RBM19: variants seen among roughly 807,000 people sequenced by gnomAD.
RBM19 encodes probable RNA-binding protein 19.
In RBM19, 94 loss-of-function variants were observed where a neutral mutation model predicts 116.8. That is an observed-to-expected ratio of 0.80 (90% CI 0.68 to 0.95). The LOEUF is 0.95. Among genes scored for constraint, RBM19 ranks in the 40% least tolerant of loss-of-function variants. The pLI is 0.00. For synonymous variants in RBM19, 475 were observed against 494.1 expected (o/e 0.96, Z 0.51); for missense variants, 1,161 against 1,220.7 (o/e 0.95, Z 0.73).
chr12:113,831,406 A>G (rs1875397803), intron 23 of RBM19, among the ~76,000 whole-genome samples: 1 of 152,020 alleles, frequency 6.6e-6, no homozygotes, highest in Admixed American at 6.5e-5. Flanking sequence ...GCCACCCCCT[A>G]CCACCAGCTA....
chr12:113,938,229 A>G (rs768023405), intron 15 of RBM19, among the ~76,000 whole-genome samples: 3 of 152,144 alleles, frequency 2.0e-5, no homozygotes, highest in Non-Finnish European at 2.9e-5. Flanking sequence ...GTCACATTCC[A>G]AAGGATGCTC....
In RBM19 at chr12:113,825,359, C is replaced by T. The variant is rs543505659; in HGVS notation, c.2786-2038G>A. On this transcript the variant is annotated intron_variant, in intron 23 of 23. Transcript: ENST00000261741. The surrounding 1 kb of genome is among the most constrained non-coding windows in gnomAD (Gnocchi z 5.7). ...GGTGGGCTGGGGTGGTGGGGGCTGGCGGCCCGGGGCTCGGACTCCGGCTTC... is the reference window on the plus strand; with the variant it reads ...GGTGGGCTGGGGTGGTGGGGGCTGGTGGCCCGGGGCTCGGACTCCGGCTTC... Among the ~76,000 whole-genome samples, 3 of 152,200 alleles carry T rather than the reference C, an allele frequency of 2.0e-5. No homozygotes were observed. The highest frequency in any genetic ancestry group is 3.9e-4 in the East Asian group (2 of 5,166).
At chr12:113,853,929 T>A (rs944472063) in intron 22 of RBM19, among the ~76,000 whole-genome samples, 4 of 152,062 alleles carry the variant, frequency 2.6e-5, no homozygotes, top group Non-Finnish European at 4.4e-5. Flanking sequence ...GTCCCTCTAA[T>A]TGGAGAGTCC....
Position 113,822,991 on chromosome 12 carries a change from G to C in RBM19, c.*233C>G. Reference sequence around the variant, plus strand: ...TCCGTGTCTGCTACAGAGCAGGTGCGCAGTCAGTGTCTGCTAGAACGCGTC... The same window carrying C: ...TCCGTGTCTGCTACAGAGCAGGTGCCCAGTCAGTGTCTGCTAGAACGCGTC... On this transcript the variant is annotated 3_prime_UTR_variant, in exon 24 of 24. Transcript: ENST00000261741. The C allele has an allele frequency of 1.9e-6, 1 of 533,706 alleles. No homozygotes were observed. The allele number at this position is 533,706 out of a possible 1,614,324, so 33.1% of individuals were successfully genotyped here.
At chr12:113,929,023 A>G (rs1039593667) in intron 16 of RBM19, among the ~76,000 whole-genome samples, 2 of 152,048 alleles carry the variant, frequency 1.3e-5, no homozygotes, top group African/African-American at 4.8e-5. Flanking sequence ...GACCTCCCCT[A>G]AGAGTTAAAC....
chr12:113,862,309 G>A (rs1170626240), intron 21 of RBM19, among the ~76,000 whole-genome samples: 1 of 152,192 alleles, frequency 6.6e-6, no homozygotes, highest in African/African-American at 2.4e-5. Flanking sequence ...TCAAAATCGA[G>A]GCGAGATCTT....
intron 21 of RBM19, among the ~76,000 whole-genome samples, chr12:113,884,012 C>T (rs963281538): frequency 1.3e-5 from 2 of 151,736 alleles, no homozygotes; most frequent in African/African-American, 2.4e-5. Context: ...CAGTGGCTTA[C>T]GCCTGTAATC....
chr12:113,910,693 T>C (rs560646410), intron 21 of RBM19, among the ~76,000 whole-genome samples: 2 of 152,352 alleles, frequency 1.3e-5, no homozygotes, highest in Admixed American at 6.5e-5. Context: ...GTTGGGCTGC[T>C]GTGTGGACGA....
At chr12:113,922,217 C>T (rs1450129117) in intron 18 of RBM19, among the ~76,000 whole-genome samples, 1 of 152,176 alleles carries the variant, frequency 6.6e-6, no homozygotes. Context: ...ACTTCCTGGA[C>T]ATCCCTGTGG....
At chr12:113,907,780 G>T (rs1360498512) in intron 21 of RBM19, among the ~76,000 whole-genome samples, 1 of 152,298 alleles carries the variant, frequency 6.6e-6, no homozygotes, top group South Asian at 2.1e-4. Flanking sequence ...GAGTCCAGGG[G>T]TTGGCAAACT....
rs1303737434 is a variant in RBM19 at position 113,937,010 on chromosome 12, T to C, written c.2065A>G (p.Thr689Ala). The C allele has an allele frequency of 5.0e-6, 8 of 1,613,806 alleles. 1 individual carries two copies. In the South Asian group the frequency reaches 5.5e-5, roughly 11 times the overall value. Residue 689 changes from threonine (T) to alanine (A), a missense_variant, in exon 16 of 24, where the codon ACA becomes GCA. Physicochemically the swap from Thr to Ala is moderately conservative, Grantham distance 58. Transcript: ENST00000261741. Reference protein sequence around the residue: ...PMEKDPAEPETVPDGETPEDE... With the variant: ...PMEKDPAEPEAVPDGETPEDE... ...TGGTCTCAGACTCAGCTCTTACCTG[T>C]TTCTGGCTCTGCTGGGTCCTTTTCC...
chr12:113,924,873 C>G, intron 17 of RBM19, 116 bp from the exon 18 acceptor site: 1 of 836,204 alleles, frequency 1.2e-6, no homozygotes, highest in African/African-American at 1.7e-5. Context: ...GTCCCAAAAA[C>G]ATTTTGAGGT....
At position 113,926,820 on chromosome 12, in the gene RBM19, G is replaced by A. The variant is rs373725141; in HGVS notation, c.2244+234C>T. On this transcript the variant is annotated intron_variant, in intron 17 of 23. Transcript: ENST00000261741. ...AAAGATTCCGGTATGCCTCCAAAGC[G>A]TATGTGGTAGCCCCTATCAGGGCCC... Among the ~76,000 whole-genome samples, 152 of 152,324 alleles carry A rather than the reference G, an allele frequency of 1.0e-3. 1 individual carries two copies. Among genetic ancestry groups the A allele is most frequent in the African/African-American group, 3.5e-3 (144 of 41,578 alleles).
At chr12:113,827,889 G>T (rs1031819672) in intron 23 of RBM19, among the ~76,000 whole-genome samples, 13 of 151,822 alleles carry the variant, frequency 8.6e-5, no homozygotes, top group African/African-American at 2.9e-4. Context: ...GAATGGTGAT[G>T]AAATCTACAC....
At chr12:113,845,520 T>C (rs923293472) in intron 22 of RBM19, among the ~76,000 whole-genome samples, 3 of 152,206 alleles carry the variant, frequency 2.0e-5, no homozygotes, top group Non-Finnish European at 4.4e-5. Context: ...CGTTTTAGTA[T>C]AATCGCAGAG....
At chr12:113,913,035 G>A (rs1156953223) in intron 21 of RBM19, among the ~76,000 whole-genome samples, 1 of 152,136 alleles carries the variant, frequency 6.6e-6, no homozygotes, top group Non-Finnish European at 1.5e-5. Context: ...GTCACCACAT[G>A]TAATTATGTT....
intron 2 of RBM19, 88 bp downstream of exon 2, chr12:113,962,144 G>T (rs952309467): frequency 2.0e-6 from 3 of 1,464,014 alleles, no homozygotes; most frequent in South Asian, 1.2e-5. Context: ...AAGTGAAGAG[G>T]GACGGTCTTT....
At chr12:113,844,819 T>G (rs1295096752) in intron 22 of RBM19, 31 bp from the exon 23 acceptor site, 1 of 1,587,558 alleles carries the variant, frequency 6.3e-7, no homozygotes, top group Non-Finnish European at 8.6e-7. Context: ...AAACTGCACA[T>G]CAGCTGGATC....
intron 21 of RBM19, among the ~76,000 whole-genome samples, chr12:113,913,791 T>C (rs1882601563): frequency 2.6e-5 from 4 of 152,216 alleles, no homozygotes; most frequent in Admixed American, 2.6e-4. Context: ...CGAGACCTAG[T>C]GTCTAGAATC....
Sources: allele counts gnomAD v4.1 joint callset (sites outside exome capture counted in the v4.1 genomes callset), GRCh38; gene constraint gnomAD v4.1.1; non-coding constraint Gnocchi (gnomAD v3.1); transcripts MANE v1.5; gene names NCBI Gene and HGNC (gene_info 2026-07-23, HGNC 2026-07-21).